MON1A: variants seen among roughly 807,000 people sequenced by gnomAD.
MON1A encodes the protein MON1 vesicular trafficking associated A.
Under a neutral mutation model 44.6 loss-of-function variants are expected in MON1A, and 29 were observed. That is an observed-to-expected ratio of 0.65 (90% CI 0.48 to 0.89). MON1A has a LOEUF of 0.89. Ranked by LOEUF, MON1A falls within the 40% of genes least tolerant of loss-of-function variation. The probability of loss-of-function intolerance (pLI) is 0.00; values close to 1 mark genes in which losing one functional copy is unlikely to be tolerated. For missense variants in MON1A, 615 were observed against 759.6 expected (o/e 0.81, Z 2.24); for synonymous variants, 275 against 316.4 (o/e 0.87, Z 1.39).
At chr3:49,920,186 C>T (rs561580817) in intron 1 of MON1A, among the ~76,000 whole-genome samples, 1 of 152,312 alleles carries the variant, frequency 6.6e-6, no homozygotes, top group African/African-American at 2.4e-5. Flanking sequence ...GATCATCTTA[C>T]TTCACCCATA....
chr3:49,922,185 C>T (rs577487760), intron 1 of MON1A, among the ~76,000 whole-genome samples: 188 of 146,744 alleles, frequency 1.3e-3, no homozygotes, highest in Non-Finnish European at 2.3e-3. Context: ...CAGTGGCTCA[C>T]GCCTATAATC....
At chr3:49,925,492 T>C (rs571355641) in intron 1 of MON1A, among the ~76,000 whole-genome samples, 2 of 152,340 alleles carry the variant, frequency 1.3e-5, no homozygotes, top group South Asian at 4.1e-4. Context: ...GTAATGTGCA[T>C]TTAAAGCTTC....
At chr3:49,915,947 A>G (rs2082939448) in intron 1 of MON1A, 1 of 152,254 alleles carries the variant, frequency 6.6e-6, no homozygotes, top group Non-Finnish European at 1.5e-5. Context: ...CTTGTCAGGC[A>G]ACATACAGTT....
At chr3:49,916,082 G>A (rs1025777689) in intron 1 of MON1A, 4 of 152,246 alleles carry the variant, frequency 2.6e-5, no homozygotes, top group African/African-American at 9.6e-5. Flanking sequence ...AGGAGGCACT[G>A]GTGTTAGTGT....
Position 49,909,203 on chromosome 3 carries a change from C to T in MON1A, c.1528-49G>A, listed in dbSNP as rs943423132. The stretch of plus-strand genomic sequence containing the variant: ...CATCTAGGTTAGAGGCCCCTCATGG[C>T]CCATACCTAGGACCTCCATAAAGCC... On this transcript the variant is annotated intron_variant, in intron 5 of 5. Coordinates refer to ENST00000296473, the MANE Select transcript of MON1A (RefSeq NM_032355.4). This position sits in a 1 kb window ranked among gnomAD's most constrained non-coding sequence, Gnocchi z 4.0. The T allele has an allele frequency of 2.5e-6, 4 of 1,612,764 alleles. No homozygotes were observed. Among genetic ancestry groups the T allele is most frequent in the Non-Finnish European group, 3.4e-6 (4 of 1,179,302 alleles).
intron 1 of MON1A, chr3:49,929,350 G>A: frequency 1.8e-6 from 1 of 556,062 alleles, no homozygotes; most frequent in Non-Finnish European, 3.2e-6. Context: ...CGGGGGTGGG[G>A]GAGTGGGGAG....
chr3:49,920,336 C>T (rs2082985238), intron 1 of MON1A, among the ~76,000 whole-genome samples: 1 of 152,196 alleles, frequency 6.6e-6, no homozygotes, highest in African/African-American at 2.4e-5. Context: ...TGTAAAGGGG[C>T]ACAGAATTCA....
Position 49,911,735 on chromosome 3 carries a change from G to A in MON1A, c.404C>T (p.Pro135Leu), listed in dbSNP as rs772582318. ...ATCCCCCTCGGTTGTGCCCTCCCTG[G>A]GGGGCTCTGTGGCTGGTCGCCCAAC... ...GAVGRPATEP[P>L]REGTTEGDEE... Residue 135 changes from proline (P) to leucine (L), a missense_variant, in exon 3 of 6, where the codon CCC (proline) becomes CTC (leucine). Transcript: ENST00000296473. The surrounding 1 kb of genome is among the most constrained non-coding windows in gnomAD (Gnocchi z 5.7). The A allele has an allele frequency of 6.2e-7, 1 of 1,613,700 alleles. No individual in the cohort carries two copies. Among genetic ancestry groups the A allele is most frequent in the South Asian group, 1.1e-5 (1 of 91,068 alleles).
chr3:49,928,245 A>T (rs912001192), intron 1 of MON1A, among the ~76,000 whole-genome samples: 24 of 152,186 alleles, frequency 1.6e-4, no homozygotes, highest in Non-Finnish European at 1.5e-5. Flanking sequence ...CAGAGGCCTG[A>T]TGAAGCAAAC....
At position 49,911,000 on chromosome 3, in the gene MON1A, C is replaced by G; in HGVS notation, c.614-116G>C. The stretch of plus-strand genomic sequence containing the variant: ...CTTTCCTCGCTCAGAGCTCTGCGCA[C>G]AGTAGGGGTTTAAGGATGTTCAGGA... On this transcript the variant is annotated intron_variant, in intron 3 of 5. Coordinates refer to ENST00000296473, the MANE Select transcript of MON1A (RefSeq NM_032355.4). This position sits in a 1 kb window ranked among gnomAD's most constrained non-coding sequence, Gnocchi z 8.0. 9.9e-7 allele frequency: 1 copy of G among 1,015,052 alleles called. No individual in the cohort carries two copies. 62.9% of individuals were successfully genotyped at this position (1,015,052 alleles called of 1,614,324 possible).
In MON1A at chr3:49,910,208, C is replaced by T; in HGVS notation, c.1290G>A (p.Leu430=). The change falls in exon 4 of 6, where the codon CTG becomes CTA. Residue 430 remains leucine, a synonymous_variant. Coordinates refer to ENST00000296473, the MANE Select transcript of MON1A (RefSeq NM_032355.4). The surrounding 1 kb of genome is among the most constrained non-coding windows in gnomAD (Gnocchi z 8.0). ...GGGCAACGCTGTAGTAGGGTGTGCGCAGTGCCTCTCGCAGGGCCAGGTGGG... is the reference window on the plus strand; with the variant it reads ...GGGCAACGCTGTAGTAGGGTGTGCGTAGTGCCTCTCGCAGGGCCAGGTGGG... ...RGAHLALREA[L]RTPYYSVAQV... The T allele has an allele frequency of 6.2e-7, 1 of 1,614,150 alleles. No homozygotes were observed. The highest frequency in any genetic ancestry group is 8.5e-7 in the Non-Finnish European group (1 of 1,180,030).
intron 2 of MON1A, chr3:49,912,993 C>T (rs2082904333): frequency 1.5e-6 from 1 of 672,430 alleles, no homozygotes; most frequent in African/African-American, 1.8e-5. Context: ...GAAGAGCCCA[C>T]AATGGCAGCC....
Position 49,911,852 on chromosome 3 carries a change from T to A in MON1A, c.287A>T (p.Glu96Val). The A allele has an allele frequency of 6.2e-7, 1 of 1,614,076 alleles. No individual in the cohort carries two copies. The highest frequency in any genetic ancestry group is 8.5e-7 in the Non-Finnish European group (1 of 1,179,992). ...DMRQISQDFS[E>V]LSTQLTGVAR... ...CACACCCGTCAGCTGGGTGCTTAGC[T>A]CGCTAAAGTCCTGGCTGATCTGGCG... is the stretch of plus-strand genomic sequence containing the variant. The change falls in exon 3 of 6, where the codon GAG becomes GTG. Residue 96 changes from glutamate to valine, a missense_variant. Transcript: ENST00000296473. This position sits in a 1 kb window ranked among gnomAD's most constrained non-coding sequence, Gnocchi z 5.7.
At chr3:49,918,438 G>A (rs1447742522) in intron 1 of MON1A, among the ~76,000 whole-genome samples, 2 of 150,256 alleles carry the variant, frequency 1.3e-5, no homozygotes, top group Non-Finnish European at 3.0e-5. Context: ...TTGAGACAGA[G>A]TCTCACTCTG....
intron 1 of MON1A, among the ~76,000 whole-genome samples, chr3:49,914,359 A>G (rs970449430): frequency 7.3e-5 from 11 of 150,146 alleles, no homozygotes; most frequent in Admixed American, 2.0e-4. Context: ...CTGGGATTAC[A>G]GGTGTGAGCC....
chr3:49,914,738 AG>A (rs970881436), intron 1 of MON1A, among the ~76,000 whole-genome samples: 6 of 150,670 alleles, frequency 4.0e-5, no homozygotes, highest in Admixed American at 1.3e-4. Flanking sequence ...AGTAGAGACA[AG>A]GTTTCACCAT....
In MON1A at chr3:49,910,535, G is replaced by A. The variant is rs2082864283; in HGVS notation, c.963C>T (p.Ser321=). 6 of 1,613,598 alleles carry A rather than the reference G, an allele frequency of 3.7e-6. No homozygotes were observed. The Admixed American group carries it at 8.3e-5, about 22-fold the overall frequency. Residue 321 remains serine (S), a synonymous_variant, in exon 4 of 6, where the codon TCC becomes TCT. Transcript: ENST00000296473. This position sits in a 1 kb window ranked among gnomAD's most constrained non-coding sequence, Gnocchi z 8.0. ...QQARARSLVF[S]ILLARNQLVA... is the part of the protein sequence containing the mutation. ...CGAGCTGGTTGCGGGCCAGCAGGAT[G>A]GAGAAGACCAGGCTGCGCGCACGCG...
intron 1 of MON1A, among the ~76,000 whole-genome samples, chr3:49,925,625 C>T (rs1022572351): frequency 6.6e-6 from 1 of 152,036 alleles, no homozygotes; most frequent in Non-Finnish European, 1.5e-5. Context: ...TGTAGTCCCA[C>T]CTACTTAAGA....
At position 49,910,814 on chromosome 3, in the gene MON1A, C is replaced by A; in HGVS notation, c.684G>T (p.Ser228=). ...GCAGCTCCTGCGCCAGCTCTTGTGC[C>A]GACTGCCGCGTACGAGCCACCGCCA... ...VLVAVARTRQ[S]AQELAQELLY... is the part of the protein sequence containing the mutation. The change falls in exon 4 of 6, where the codon TCG becomes TCT. Residue 228 remains serine, a synonymous_variant. Coordinates refer to ENST00000296473, the MANE Select transcript of MON1A (RefSeq NM_032355.4). This position sits in a 1 kb window ranked among gnomAD's most constrained non-coding sequence, Gnocchi z 8.0. 6.2e-7 allele frequency: 1 copy of A among 1,613,024 alleles called. No homozygotes were observed. The highest frequency in any genetic ancestry group is 2.2e-5 in the East Asian group (1 of 44,866).
Sources: gnomAD v4.1 joint callset for allele counts (sites outside exome capture counted in the v4.1 genomes callset) on GRCh38, gnomAD v4.1.1 for gene constraint, Gnocchi (gnomAD v3.1) non-coding constraint, MANE v1.5 for transcripts, NCBI Gene and HGNC (gene_info 2026-07-23, HGNC 2026-07-21) for gene names.